The following NFIL3 variants were observed in gnomAD, a reference collection of about 807,000 sequenced individuals.
NFIL3 encodes the protein nuclear factor, interleukin 3 regulated.
Under a neutral mutation model 10.0 loss-of-function variants are expected in NFIL3, and 5 were observed. The observed-to-expected ratio is 0.50, with a 90% CI of 0.26 to 1.06. NFIL3 has a LOEUF of 1.06. NFIL3 is among the 50% of genes least tolerant of loss of function. NFIL3 has a pLI of 0.13. For synonymous variants in NFIL3, 202 were observed against 206.5 expected, an observed-to-expected ratio of 0.98 and a Z score of 0.19; for missense variants, 436 against 547.6, an observed-to-expected ratio of 0.80 and a Z score of 2.03.
chr9:91,440,148 C>G, the NFIL3 span, among the ~76,000 whole-genome samples: 1 of 152,036 alleles, frequency 6.6e-6, no homozygotes, highest in African/African-American at 2.4e-5. Context: ...TGGTCTTGGG[C>G]TCTTAATTTG....
At chr9:91,418,679 G>A (rs1833703171) in intron 1 of NFIL3, among the ~76,000 whole-genome samples, 1 of 152,100 alleles carries the variant, frequency 6.6e-6, no homozygotes, top group South Asian at 2.1e-4. Flanking sequence ...ATTAATAAAA[G>A]ACATCATGTT....
At chr9:91,457,084 T>A in the NFIL3 span, among the ~76,000 whole-genome samples, 1 of 152,104 alleles carries the variant, frequency 6.6e-6, no homozygotes, top group African/African-American at 2.4e-5. Context: ...TTTATGTGTC[T>A]ATCTTGACAC....
rs1833822506 is a variant in NFIL3, at chr9:91,423,821, G to A, written c.-354C>T. 1 of 144,910 alleles carries A rather than the reference G, an allele frequency of 6.9e-6. No homozygotes were observed. Among genetic ancestry groups the A allele is most frequent in the Admixed American group, 6.8e-5 (1 of 14,664 alleles). The allele number at this position is 144,910 out of a possible 1,614,324, so 9.0% of individuals were successfully genotyped here. ...TCCGCGGGCGCCGTGGCCGCGCGGA[G>A]AGATGTGTGTTAGTAGGTCAGTTCC... On this transcript the variant is annotated 5_prime_UTR_variant, in exon 1 of 2. Coordinates refer to ENST00000297689, the MANE Select transcript of NFIL3 (RefSeq NM_005384.3).
chr9:91,464,389 T>C, the NFIL3 span, among the ~76,000 whole-genome samples: 1 of 152,082 alleles, frequency 6.6e-6, no homozygotes, highest in Non-Finnish European at 1.5e-5. Flanking sequence ...CAAATAACAC[T>C]ATACTACTTC....
intron 1 of NFIL3, among the ~76,000 whole-genome samples, chr9:91,412,672 C>A (rs561436721): frequency 6.6e-6 from 1 of 152,014 alleles, no homozygotes; most frequent in African/African-American, 2.4e-5. Context: ...GGTGAAACCC[C>A]GTCTCTACTA....
chr9:91,411,527 G>A (rs997308218), intron 1 of NFIL3, among the ~76,000 whole-genome samples: 5 of 152,182 alleles, frequency 3.3e-5, no homozygotes, highest in Non-Finnish European at 5.9e-5. Context: ...ACACCTTAAC[G>A]TGGACATAAA....
the NFIL3 span, among the ~76,000 whole-genome samples, chr9:91,476,745 A>G: frequency 1.3e-5 from 2 of 152,246 alleles, no homozygotes; most frequent in African/African-American, 4.8e-5. Flanking sequence ...CTTACTGAAT[A>G]TCACATTTTG....
chr9:91,470,512 C>T, the NFIL3 span, among the ~76,000 whole-genome samples: 1 of 151,866 alleles, frequency 6.6e-6, no homozygotes, highest in Non-Finnish European at 1.5e-5. Flanking sequence ...TTTTATGTCT[C>T]TATCTTCTTC....
At chr9:91,471,665 A>G in the NFIL3 span, among the ~76,000 whole-genome samples, 5 of 151,708 alleles carry the variant, frequency 3.3e-5, no homozygotes, top group South Asian at 8.3e-4. Flanking sequence ...CCTCCCCCCA[A>G]GTCTGTGTCT....
the NFIL3 span, among the ~76,000 whole-genome samples, chr9:91,448,249 C>T: frequency 6.6e-6 from 1 of 152,068 alleles, no homozygotes; most frequent in Non-Finnish European, 1.5e-5. Context: ...GGGTAACTTA[C>T]TTTAAAAAAA....
At chr9:91,432,868 T>G in the NFIL3 span, among the ~76,000 whole-genome samples, 1 of 152,326 alleles carries the variant, frequency 6.6e-6, no homozygotes, top group East Asian at 1.9e-4. Context: ...CATTTTGAAC[T>G]GCAGACTAGG....
chr9:91,449,650 G>T, the NFIL3 span, among the ~76,000 whole-genome samples: 5 of 152,074 alleles, frequency 3.3e-5, no homozygotes, highest in African/African-American at 9.6e-5. Context: ...CATAAGGGAC[G>T]TTGGTCTGAA....
chr9:91,425,575 A>G (rs1238547701), upstream of NFIL3, among the ~76,000 whole-genome samples: 1 of 152,138 alleles, frequency 6.6e-6, no homozygotes, highest in African/African-American at 2.4e-5. Context: ...CCTCCACTAC[A>G]CATTTTCCAA....
the NFIL3 span, among the ~76,000 whole-genome samples, chr9:91,429,344 G>A: frequency 2.0e-5 from 3 of 152,280 alleles, no homozygotes; most frequent in African/African-American, 4.8e-5. Flanking sequence ...GGTTGGCCAC[G>A]TTCCTTCTCT....
chr9:91,421,630 G>C (rs1246002567), intron 1 of NFIL3, among the ~76,000 whole-genome samples: 1 of 151,998 alleles, frequency 6.6e-6, no homozygotes, highest in East Asian at 1.9e-4. Flanking sequence ...GCACGGACTC[G>C]CCATTGGAGA....
At chr9:91,418,861 T>C (rs1833707274) in intron 1 of NFIL3, among the ~76,000 whole-genome samples, 1 of 151,790 alleles carries the variant, frequency 6.6e-6, no homozygotes, top group Non-Finnish European at 1.5e-5. Context: ...GGGTGTTTTT[T>C]TTTTTTTTAA....
At chr9:91,481,248 T>C in the NFIL3 span, among the ~76,000 whole-genome samples, 1 of 152,176 alleles carries the variant, frequency 6.6e-6, no homozygotes, top group Non-Finnish European at 1.5e-5. Context: ...TTTTAAAAAG[T>C]ATGTATACAC....
At chr9:91,448,529 T>G in the NFIL3 span, among the ~76,000 whole-genome samples, 2 of 152,312 alleles carry the variant, frequency 1.3e-5, no homozygotes, top group South Asian at 2.1e-4. Context: ...ATCTGCTCCC[T>G]ATGACTCAAA....
At chr9:91,444,174 A>G in the NFIL3 span, among the ~76,000 whole-genome samples, 1 of 150,088 alleles carries the variant, frequency 6.7e-6, no homozygotes, top group Admixed American at 6.7e-5. Flanking sequence ...CTTCAAGTTC[A>G]CAGAATCTTT....
Sources: gnomAD v4.1 joint callset for allele counts (sites outside exome capture counted in the v4.1 genomes callset) on GRCh38, gnomAD v4.1.1 for gene constraint, MANE v1.5 for transcripts, NCBI Gene and HGNC (gene_info 2026-07-23, HGNC 2026-07-21) for gene names.